Variants in FMN1 observed in about 807,000 individuals in gnomAD.
FMN1 encodes formin-1.
FMN1 carries 110 observed loss-of-function variants against 132.4 expected under a neutral mutation model. The observed-to-expected ratio is 0.83, with a 90% CI of 0.71 to 0.97. The LOEUF is 0.97. FMN1 is among the 50% of genes least tolerant of loss of function. FMN1 has a pLI of 0.00. For missense variants in FMN1, 1,792 were observed against 1,705.3 expected, an observed-to-expected ratio of 1.05 and a Z score of -0.90; for synonymous variants, 722 against 651.7, an observed-to-expected ratio of 1.11 and a Z score of -1.64.
intron 19 of FMN1, among the ~76,000 whole-genome samples, chr15:32,785,507 T>A (rs1174306166): frequency 6.6e-6 from 1 of 152,062 alleles, no homozygotes; most frequent in African/African-American, 2.4e-5. Flanking sequence ...AACTGGCCCC[T>A]GAAAATTAGC....
At chr15:32,791,165 G>C (rs2057063050) in intron 19 of FMN1, among the ~76,000 whole-genome samples, 1 of 151,686 alleles carries the variant, frequency 6.6e-6, no homozygotes. Flanking sequence ...AGGAAATGAG[G>C]CTAAAGAGTG....
chr15:32,969,647 A>G (rs2140664205), intron 7 of FMN1, among the ~76,000 whole-genome samples, 170 bp from the exon 8 acceptor site: 1 of 152,296 alleles, frequency 6.6e-6, no homozygotes, highest in East Asian at 1.9e-4. Context: ...TTGCACTCTG[A>G]ATTTTCCAGG....
intron 2 of FMN1, among the ~76,000 whole-genome samples, chr15:33,184,514 T>TC (rs1424904529): frequency 4.6e-5 from 7 of 151,516 alleles, no homozygotes; most frequent in African/African-American, 1.7e-4. Flanking sequence ...TTTTTTTTTT[T>TC]CCCTGAGACA....
intron 4 of FMN1, among the ~76,000 whole-genome samples, chr15:33,125,483 T>C (rs1315790869): frequency 1.3e-5 from 2 of 152,078 alleles, no homozygotes; most frequent in Non-Finnish European, 2.9e-5. Flanking sequence ...TTATACAAAT[T>C]AGTTATGTCT....
chr15:33,045,750 T>A (rs1427808212), intron 6 of FMN1, among the ~76,000 whole-genome samples: 1 of 152,156 alleles, frequency 6.6e-6, no homozygotes, highest in Non-Finnish European at 1.5e-5. Flanking sequence ...GGTTGAAAAG[T>A]TTGGCTTTTG....
At chr15:33,187,702 C>T (rs1965933895) in intron 2 of FMN1, among the ~76,000 whole-genome samples, 1 of 152,190 alleles carries the variant, frequency 6.6e-6, no homozygotes, top group Non-Finnish European at 1.5e-5. Context: ...GAAGGTCCCT[C>T]TTCCCATGCC....
intron 6 of FMN1, among the ~76,000 whole-genome samples, chr15:33,031,276 T>C (rs1460942768): frequency 6.6e-6 from 1 of 152,132 alleles, no homozygotes; most frequent in East Asian, 1.9e-4. Context: ...AAAACCATCA[T>C]GATACACAAG....
intron 5 of FMN1, among the ~76,000 whole-genome samples, chr15:33,082,677 G>A (rs2038529786): frequency 6.6e-6 from 1 of 152,044 alleles, no homozygotes; most frequent in African/African-American, 2.4e-5. Context: ...GCTAATGGTA[G>A]CTCCTAGTTC....
chr15:33,074,517 C>CT (rs1016036779), intron 5 of FMN1, among the ~76,000 whole-genome samples: 6 of 152,134 alleles, frequency 3.9e-5, no homozygotes, highest in African/African-American at 1.4e-4. Flanking sequence ...GTTGAAAAGT[C>CT]TTAAGAGTAA....
chr15:32,935,577 A>T (rs1232770921), intron 9 of FMN1, among the ~76,000 whole-genome samples: 1 of 151,446 alleles, frequency 6.6e-6, no homozygotes, highest in African/African-American at 2.4e-5. Flanking sequence ...AACTGTCACA[A>T]TGTGTCTATT....
At chr15:33,170,952 CT>C (rs1965297094) in intron 3 of FMN1, among the ~76,000 whole-genome samples, 1 of 152,174 alleles carries the variant, frequency 6.6e-6, no homozygotes, top group Admixed American at 6.5e-5. Context: ...CTCATGTTTA[CT>C]GCATAGCAAA....
chr15:33,019,500 C>A (rs796711401), intron 6 of FMN1, among the ~76,000 whole-genome samples: 1 of 152,206 alleles, frequency 6.6e-6, no homozygotes, highest in Admixed American at 6.5e-5. Flanking sequence ...AGCCCTTGGG[C>A]GGTCGATGGG....
rs2056289527 is a variant in FMN1 at position 32,772,728 on chromosome 15, C to G, written c.*1582G>C. On this transcript the variant is annotated 3_prime_UTR_variant, in exon 21 of 21. Coordinates refer to ENST00000616417, the MANE Select transcript of FMN1 (RefSeq NM_001277313.2). Reference sequence around the variant, plus strand: ...TATGGCTTCTGTGACTTGATTTGATCCTGACTGCAGTCTTCATTCTCGAAG... The same window carrying G: ...TATGGCTTCTGTGACTTGATTTGATGCTGACTGCAGTCTTCATTCTCGAAG... 6.6e-6 allele frequency: 1 copy of G among 152,202 alleles called. No homozygotes were observed. Among genetic ancestry groups the G allele is most frequent in the Non-Finnish European group, 1.5e-5 (1 of 68,056 alleles). The allele number at this position is 152,202 out of a possible 1,614,324, so 9.4% of individuals were successfully genotyped here.
At chr15:33,105,135 AT>A (rs113427235) in intron 4 of FMN1, among the ~76,000 whole-genome samples, 3 of 151,888 alleles carry the variant, frequency 2.0e-5, no homozygotes, top group African/African-American at 7.3e-5. Context: ...AATATTAAAC[AT>A]TTTTTTCCCC....
At chr15:33,134,348 A>G (rs983545872) in intron 4 of FMN1, among the ~76,000 whole-genome samples, 1 of 152,240 alleles carries the variant, frequency 6.6e-6, no homozygotes, top group Non-Finnish European at 1.5e-5. Flanking sequence ...GGGATGTCTC[A>G]GGAGGCAGTT....
chr15:32,841,572 A>G (rs554967874), intron 17 of FMN1, among the ~76,000 whole-genome samples: 5 of 152,272 alleles, frequency 3.3e-5, no homozygotes, highest in African/African-American at 1.2e-4. Flanking sequence ...AGCAAATGGG[A>G]CTTTATATTA....
intron 15 of FMN1, among the ~76,000 whole-genome samples, chr15:32,896,908 A>T (rs2060173063): frequency 6.6e-6 from 1 of 152,168 alleles, no homozygotes; most frequent in South Asian, 2.1e-4. Flanking sequence ...CCTGGTTTCA[A>T]TTCTTTTGGA....
At chr15:32,785,188 G>GTATA (rs2056819735) in intron 19 of FMN1, among the ~76,000 whole-genome samples, 2 of 31,306 alleles carry the variant, frequency 6.4e-5, no homozygotes, top group African/African-American at 2.4e-4. Flanking sequence ...GTGTGTGTGT[G>GTATA]TGTGTGTGTG....
At chr15:33,081,305 A>C (rs1423518066) in intron 5 of FMN1, among the ~76,000 whole-genome samples, 1 of 152,172 alleles carries the variant, frequency 6.6e-6, no homozygotes, top group Non-Finnish European at 1.5e-5. Flanking sequence ...ATATTTCACC[A>C]TTATTTTTTA....
Sources: allele counts gnomAD v4.1 joint callset (sites outside exome capture counted in the v4.1 genomes callset), GRCh38; gene constraint gnomAD v4.1.1; transcripts MANE v1.5; gene names NCBI Gene and HGNC (gene_info 2026-07-23, HGNC 2026-07-21).